Variants in LRRC37A2 observed in about 807,000 individuals in gnomAD.
LRRC37A2 encodes the protein leucine rich repeat containing 37 member A2.
Under a neutral mutation model 68.8 loss-of-function variants are expected in LRRC37A2, and 9 were observed. The observed-to-expected ratio is 0.13, with a 90% CI of 0.08 to 0.23. LRRC37A2 has a LOEUF of 0.23. Among genes scored for constraint, LRRC37A2 ranks in the 10% least tolerant of loss-of-function variants. The pLI, the probability that LRRC37A2 is intolerant of heterozygous loss-of-function variation, is 1.00. For missense variants in LRRC37A2, 168 were observed against 950.4 expected (o/e 0.18, Z 10.82); for synonymous variants, 63 against 367.6 (o/e 0.17, Z 9.48).
At chr17:46,990,591 G>A in the LRRC37A2 span, among the ~76,000 whole-genome samples, 100 of 152,272 alleles carry the variant, frequency 6.6e-4, no homozygotes, top group African/African-American at 2.4e-3. Flanking sequence ...CTGGATGCAG[G>A]AAGGTGTTCA....
chr17:46,899,330 GC>G, the LRRC37A2 span, among the ~76,000 whole-genome samples: 66 of 152,238 alleles, frequency 4.3e-4, 1 homozygote, highest in African/African-American at 1.6e-3. Flanking sequence ...CTTGAGCCCA[GC>G]GGGGCAGAGG....
the LRRC37A2 span, among the ~76,000 whole-genome samples, chr17:46,962,057 C>T: frequency 6.6e-6 from 1 of 152,140 alleles, no homozygotes; most frequent in East Asian, 1.9e-4. Context: ...AGGGGCCAGG[C>T]ACAGTGGCTC....
chr17:46,534,865 A>T (rs2054384182), intron 6 of LRRC37A2, among the ~76,000 whole-genome samples: 1 of 149,228 alleles, frequency 6.7e-6, no homozygotes, highest in Admixed American at 6.6e-5. Context: ...GCTGCCGGGC[A>T]GAGGGGCTCC....
intron 6 of LRRC37A2, among the ~76,000 whole-genome samples, chr17:46,539,066 C>CA (rs1213547689): frequency 1.9e-5 from 1 of 53,640 alleles, no homozygotes; most frequent in East Asian, 2.9e-4. Context: ...ACGGGGATGA[C>CA]AGGGCATGGT....
At chr17:46,831,541 C>T in the LRRC37A2 span, 1 of 152,524 alleles carries the variant, frequency 6.6e-6, no homozygotes, top group Non-Finnish European at 1.5e-5. Flanking sequence ...GTTCTAGGCC[C>T]ATCAGAGGCT....
At chr17:46,836,062 G>T in the LRRC37A2 span, among the ~76,000 whole-genome samples, 10 of 150,038 alleles carry the variant, frequency 6.7e-5, no homozygotes, top group Non-Finnish European at 1.2e-4. Context: ...CACCTGCTGG[G>T]GCTCCCAGGA....
the LRRC37A2 span, among the ~76,000 whole-genome samples, chr17:46,844,719 C>A: frequency 6.6e-6 from 1 of 152,160 alleles, no homozygotes; most frequent in African/African-American, 2.4e-5. Flanking sequence ...TCTGTGCAGA[C>A]CCAAATCTAT....
the LRRC37A2 span, among the ~76,000 whole-genome samples, chr17:46,684,634 A>G: frequency 1.3e-5 from 2 of 151,940 alleles, no homozygotes; most frequent in Admixed American, 1.3e-4. Flanking sequence ...CAAACCTGAC[A>G]AAAACAAGCA....
At chr17:46,964,093 G>A in the LRRC37A2 span, 14 of 152,256 alleles carry the variant, frequency 9.2e-5, no homozygotes, top group African/African-American at 3.1e-4. Flanking sequence ...GATGACAAGT[G>A]TGGCTGAGTT....
At chr17:46,496,914 C>T in the LRRC37A2 span, among the ~76,000 whole-genome samples, 2 of 132,820 alleles carry the variant, frequency 1.5e-5, no homozygotes, top group East Asian at 2.0e-4. Context: ...GACTCCATCT[C>T]GGGGAAAAAA....
the LRRC37A2 span, among the ~76,000 whole-genome samples, chr17:46,715,973 A>G: frequency 1.3e-5 from 2 of 152,354 alleles, no homozygotes; most frequent in Non-Finnish European, 2.9e-5. Context: ...ACAAATTTAT[A>G]TTAGAATTTT....
chr17:46,886,514 T>A, the LRRC37A2 span: 1 of 152,096 alleles, frequency 6.6e-6, no homozygotes, highest in Non-Finnish European at 1.5e-5. Context: ...ATAGCTGAGT[T>A]TTGGGGCAGT....
At chr17:46,913,678 G>C in the LRRC37A2 span, among the ~76,000 whole-genome samples, 1 of 152,316 alleles carries the variant, frequency 6.6e-6, no homozygotes, top group African/African-American at 2.4e-5. Flanking sequence ...CCACGATGAG[G>C]ATATTACTGT....
the LRRC37A2 span, among the ~76,000 whole-genome samples, chr17:46,836,166 A>G: frequency 7.0e-6 from 1 of 143,156 alleles, no homozygotes; most frequent in African/African-American, 2.7e-5. Context: ...GGCAATTAAT[A>G]ACACCTCACC....
At chr17:46,892,221 TC>T in the LRRC37A2 span, among the ~76,000 whole-genome samples, 2 of 151,934 alleles carry the variant, frequency 1.3e-5, no homozygotes, top group Non-Finnish European at 2.9e-5. Context: ...ACAGGCCTCC[TC>T]CCTTTATGCT....
At chr17:46,727,135 G>A in the LRRC37A2 span, among the ~76,000 whole-genome samples, 4 of 151,984 alleles carry the variant, frequency 2.6e-5, no homozygotes, top group Non-Finnish European at 4.4e-5. Flanking sequence ...GACAAAAATG[G>A]GATAATAAAT....
At chr17:46,818,459 C>G in the LRRC37A2 span, 5 of 1,545,028 alleles carry the variant, frequency 3.2e-6, no homozygotes, top group African/African-American at 4.1e-5. Flanking sequence ...CCGGCGCCCC[C>G]ACCTTCCCCG....
chr17:46,726,533 CT>C, the LRRC37A2 span: 1 of 1,612,920 alleles, frequency 6.2e-7, no homozygotes, highest in Admixed American at 1.7e-5. Context: ...TAATAAATGA[CT>C]TTGTTTTCTT....
the LRRC37A2 span, among the ~76,000 whole-genome samples, chr17:46,952,040 G>A: frequency 3.0e-4 from 45 of 152,302 alleles, 1 homozygote; most frequent in Admixed American, 2.7e-3. Context: ...ATCAGGGAGA[G>A]GGGGAGATTC....
Sources: allele counts gnomAD v4.1 joint callset (sites outside exome capture counted in the v4.1 genomes callset), GRCh38; gene constraint gnomAD v4.1.1; transcripts MANE v1.5; gene names NCBI Gene and HGNC (gene_info 2026-07-23, HGNC 2026-07-21).